Variants in FHDC1 observed in about 807,000 individuals in gnomAD.
FHDC1 encodes FH2 domain-containing protein 1.
FHDC1 carries 25 observed loss-of-function variants against 52.6 expected under a neutral mutation model. The observed-to-expected ratio is 0.48, with a 90% confidence interval of 0.35 to 0.66. The LOEUF (loss-of-function observed/expected upper bound fraction) is 0.66. FHDC1 is among the 30% of genes least tolerant of loss of function. FHDC1 has a pLI of 0.01. For missense variants in FHDC1, 1,459 were observed against 1,452.8 expected (o/e 1.00, Z -0.07); for synonymous variants, 616 against 581.5 (o/e 1.06, Z -0.85).
At chr4:152,936,813 C>G (rs1480391875) in intron 1 of FHDC1, among the ~76,000 whole-genome samples, 1 of 152,268 alleles carries the variant, frequency 6.6e-6, no homozygotes, top group Non-Finnish European at 1.5e-5. Flanking sequence ...TAGTTTATCC[C>G]GACCCTTGGG....
intron 2 of FHDC1, among the ~76,000 whole-genome samples, chr4:152,951,813 C>T (rs144822149): frequency 1.3e-5 from 2 of 152,256 alleles, no homozygotes; most frequent in African/African-American, 4.8e-5. Context: ...TCCACGCAGC[C>T]GGGATGTTTA....
chr4:152,963,776 T>TTTTTTG (rs1740364116), intron 8 of FHDC1, among the ~76,000 whole-genome samples: 2 of 64,316 alleles, frequency 3.1e-5, no homozygotes, highest in African/African-American at 1.5e-4. Context: ...TTTGTTTTTT[T>TTTTTTG]TTTTTTTTTT....
chr4:152,928,991 G>A, the FHDC1 span, among the ~76,000 whole-genome samples: 1 of 151,984 alleles, frequency 6.6e-6, no homozygotes, highest in East Asian at 1.9e-4. Flanking sequence ...AAAAAAGAAA[G>A]TTTATTTTGC....
chr4:152,917,309 C>A, the FHDC1 span, among the ~76,000 whole-genome samples: 45 of 152,154 alleles, frequency 3.0e-4, no homozygotes, highest in Non-Finnish European at 2.8e-4. Context: ...TTTACTATAA[C>A]AACTTGAGAC....
chr4:152,912,511 A>G, the FHDC1 span, among the ~76,000 whole-genome samples: 96 of 152,334 alleles, frequency 6.3e-4, 1 homozygote, highest in African/African-American at 2.2e-3. Flanking sequence ...AAGTATATAC[A>G]TACTTCTAAA....
chr4:152,971,831 C>T (rs1740647761), intron 10 of FHDC1, among the ~76,000 whole-genome samples: 2 of 152,134 alleles, frequency 1.3e-5, no homozygotes, highest in South Asian at 4.2e-4. Flanking sequence ...TGGATCAGCA[C>T]CCCGGGTTTA....
chr4:152,923,992 C>T, the FHDC1 span, among the ~76,000 whole-genome samples: 1 of 151,772 alleles, frequency 6.6e-6, no homozygotes, highest in South Asian at 2.1e-4. Flanking sequence ...GCAACAAAAG[C>T]CAAAATTGAC....
chr4:152,969,723 G>A (rs916786532), intron 10 of FHDC1, among the ~76,000 whole-genome samples: 1 of 144,264 alleles, frequency 6.9e-6, no homozygotes, highest in Non-Finnish European at 1.5e-5. Flanking sequence ...AGGCTGGAGT[G>A]CAGTGGCACG....
intron 10 of FHDC1, among the ~76,000 whole-genome samples, chr4:152,971,372 C>G (rs1277338047): frequency 6.6e-6 from 1 of 152,150 alleles, no homozygotes; most frequent in African/African-American, 2.4e-5. Flanking sequence ...CATAAGACTT[C>G]AGTGTGATTC....
chr4:152,916,200 AAGT>A, the FHDC1 span, among the ~76,000 whole-genome samples: 2 of 152,222 alleles, frequency 1.3e-5, no homozygotes, highest in South Asian at 2.1e-4. Flanking sequence ...AATTCAAAAA[AAGT>A]AGCTATATAA....
chr4:152,917,321 G>A, the FHDC1 span, among the ~76,000 whole-genome samples: 109 of 152,092 alleles, frequency 7.2e-4, no homozygotes, highest in African/African-American at 2.3e-3. Context: ...ACTTGAGACC[G>A]CTTAAAAATA....
chr4:152,971,775 C>T (rs1406337268), intron 10 of FHDC1, among the ~76,000 whole-genome samples: 2 of 152,206 alleles, frequency 1.3e-5, no homozygotes, highest in South Asian at 2.1e-4. Flanking sequence ...TGAAATCGAA[C>T]GGGAGGAATA....
chr4:152,975,141 C>T lies in FHDC1; in HGVS notation c.1850C>T (p.Ala617Val). Reference protein sequence around the residue: ...GQEEAPNPPSAQAHQLAAAQP... With the variant: ...GQEEAPNPPSVQAHQLAAAQP... ...GAGGAGGCCCCCAACCCACCCTCAG[C>T]ACAGGCGCACCAGCTTGCAGCCGCC... The change falls in exon 12 of 12, where the codon GCA becomes GTA. Residue 617 changes from alanine to valine, a missense_variant. Around this residue, in one of 3 missense-constraint regions of FHDC1, gnomAD observed 939 missense variants for 854.5 expected, o/e 1.10. Transcript: ENST00000511601. The T allele has an allele frequency of 6.2e-7, 1 of 1,612,934 alleles. No individual in the cohort carries two copies. The highest frequency in any genetic ancestry group is 8.5e-7 in the Non-Finnish European group (1 of 1,180,016).
chr4:152,938,270 C>T (rs1739461256), intron 1 of FHDC1, among the ~76,000 whole-genome samples: 1 of 150,026 alleles, frequency 6.7e-6, no homozygotes, highest in South Asian at 2.2e-4. Context: ...TTTTCCTCTG[C>T]TCTCGGGTGT....
At chr4:152,945,777 G>T (rs1283209576) in intron 2 of FHDC1, among the ~76,000 whole-genome samples, 1 of 152,066 alleles carries the variant, frequency 6.6e-6, no homozygotes, top group African/African-American at 2.4e-5. Flanking sequence ...TAAACAGCTT[G>T]TTGACATTAA....
chr4:152,930,997 ACTCTCT>A, the FHDC1 span, among the ~76,000 whole-genome samples: 39 of 113,250 alleles, frequency 3.4e-4, no homozygotes, highest in African/African-American at 6.1e-4. Flanking sequence ...ACACACACAC[ACTCTCT>A]CTCTCTCTCT....
chr4:152,942,939 G>A lies in FHDC1; in HGVS notation c.-119G>A. ...TTTTATCTTGCTAGGTTTGGAAGAG[G>A]ACAGTTGCCCTTTATTCTGGCGGCA... On this transcript the variant is annotated 5_prime_UTR_variant, in exon 2 of 12. Coordinates refer to ENST00000511601, the MANE Select transcript of FHDC1 (RefSeq NM_001371116.1). 1 of 1,075,116 alleles carries A rather than the reference G, an allele frequency of 9.3e-7. No homozygotes were observed. The highest frequency in any genetic ancestry group is 1.3e-6 in the Non-Finnish European group (1 of 742,730). The allele number at this position is 1,075,116 out of a possible 1,614,324, so 66.6% of individuals were successfully genotyped here. A position where few individuals can be genotyped will look rare whatever the true frequency, so the allele number is the denominator to read the frequency against.
chr4:152,954,942 G>A (rs1740038545), intron 4 of FHDC1, among the ~76,000 whole-genome samples: 1 of 152,090 alleles, frequency 6.6e-6, no homozygotes, highest in African/African-American at 2.4e-5. Flanking sequence ...TCATTGGATT[G>A]TCAAGATGAT....
At chr4:152,912,381 GT>G in the FHDC1 span, 2 of 152,114 alleles carry the variant, frequency 1.3e-5, no homozygotes. Context: ...GGATATTTTA[GT>G]TTTGGATTTT....
Sources: allele counts gnomAD v4.1 joint callset (sites outside exome capture counted in the v4.1 genomes callset), GRCh38; gene constraint gnomAD v4.1.1; regional missense constraint gnomAD v4.1.1; transcripts MANE v1.5; gene names NCBI Gene and HGNC (gene_info 2026-07-23, HGNC 2026-07-21).